IGF1R: variants seen among roughly 807,000 people sequenced by gnomAD.
The protein encoded by IGF1R is insulin-like growth factor 1 receptor.
A neutral mutation model predicts 144.6 loss-of-function variants in IGF1R; 44 were observed. The observed-to-expected ratio is 0.30, with a 90% CI of 0.24 to 0.39. The LOEUF is 0.39. IGF1R is among the 10% of genes least tolerant of loss of function. IGF1R has a pLI of 1.00. For missense variants in IGF1R, 1,355 were observed against 1,833.7 expected, an observed-to-expected ratio of 0.74 and a Z score of 4.77; for synonymous variants, 795 against 722.8, an observed-to-expected ratio of 1.10 and a Z score of -1.60.
chr15:98,725,778 G>T (rs2054343502), intron 2 of IGF1R, among the ~76,000 whole-genome samples: 1 of 152,226 alleles, frequency 6.6e-6, no homozygotes, highest in Non-Finnish European at 1.5e-5. Flanking sequence ...CATGGCTGGG[G>T]AGGCCTCAGA....
In IGF1R at chr15:98,959,970, GGTGTGT is replaced by G. The variant is rs398058004; in HGVS notation, c.*2537_*2542del. The G allele has an allele frequency of 3.0e-5, 7 of 231,998 alleles. No individual in the cohort carries two copies. The highest frequency in any genetic ancestry group is 5.6e-5 in the Admixed American group (1 of 17,710). The allele number at this position is 231,998 out of a possible 1,614,324, so 14.4% of individuals were successfully genotyped here. On this transcript the variant is annotated 3_prime_UTR_variant, in exon 21 of 21. Transcript: ENST00000650285. ...TTATGAATTTAAATTTCAAGGAAAGGGTGTGTGTGTGTGTATGTGTGGGGTGTGTGT... is the reference window on the plus strand; with the variant it reads ...TTATGAATTTAAATTTCAAGGAAAGGGTGTGTGTATGTGTGGGGTGTGTGT...
At chr15:98,659,388 C>T (rs1375684158) in intron 1 of IGF1R, among the ~76,000 whole-genome samples, 1 of 152,230 alleles carries the variant, frequency 6.6e-6, no homozygotes, top group East Asian at 1.9e-4. Context: ...CCCATCTCGC[C>T]TATGCATAGG....
intron 3 of IGF1R, among the ~76,000 whole-genome samples, chr15:98,895,196 C>G (rs1441564043): frequency 2.7e-5 from 4 of 146,626 alleles, no homozygotes; most frequent in African/African-American, 1.0e-4. Context: ...TTACACAAAT[C>G]TACACAAGTG....
At chr15:98,917,569 A>T (rs45606531) in intron 10 of IGF1R, among the ~76,000 whole-genome samples, 21 of 152,378 alleles carry the variant, frequency 1.4e-4, no homozygotes, top group Admixed American at 3.3e-4. Flanking sequence ...TAGTAGCCAA[A>T]TCTGGAAACC....
intron 1 of IGF1R, among the ~76,000 whole-genome samples, chr15:98,678,282 A>AT (rs1239583429): frequency 2.0e-5 from 3 of 152,140 alleles, no homozygotes; most frequent in African/African-American, 7.2e-5. Flanking sequence ...ACATATTCAG[A>AT]TTTTTTAATC....
intron 2 of IGF1R, among the ~76,000 whole-genome samples, chr15:98,814,314 C>T (rs1444930220): frequency 1.3e-5 from 2 of 152,148 alleles, no homozygotes; most frequent in East Asian, 1.9e-4. Context: ...CCCTGTGTAG[C>T]ACTGCTTTCG....
At chr15:98,942,727 G>T (rs931721227) in intron 18 of IGF1R, among the ~76,000 whole-genome samples, 196 bp from the exon 19 acceptor site, 5 of 152,188 alleles carry the variant, frequency 3.3e-5, no homozygotes, top group Admixed American at 2.0e-4. Context: ...CTTGGTATTT[G>T]CTCATCATGT....
chr15:98,737,176 A>G (rs2054631230), intron 2 of IGF1R, among the ~76,000 whole-genome samples: 2 of 152,208 alleles, frequency 1.3e-5, no homozygotes, highest in African/African-American at 2.4e-5. Flanking sequence ...TCTTGTGTTT[A>G]ATTACTTCCT....
chr15:98,903,100 C>T (rs531537780), intron 5 of IGF1R, among the ~76,000 whole-genome samples: 1 of 152,118 alleles, frequency 6.6e-6, no homozygotes, highest in Admixed American at 6.5e-5. Flanking sequence ...AAAATCAAGA[C>T]CGCTCTGCTG....
At chr15:98,903,432 C>T (rs1283994928) in intron 5 of IGF1R, among the ~76,000 whole-genome samples, 1 of 152,224 alleles carries the variant, frequency 6.6e-6, no homozygotes, top group African/African-American at 2.4e-5. Context: ...GTAATACCTT[C>T]TTGGAGCTCA....
chr15:98,767,642 T>G (rs1210394446), intron 2 of IGF1R, among the ~76,000 whole-genome samples: 2 of 152,138 alleles, frequency 1.3e-5, no homozygotes, highest in African/African-American at 4.8e-5. Context: ...TTACCTTGAG[T>G]TTTTTGAAAC....
Position 98,835,080 on chromosome 15 carries a change from TACACACACACACACACACAC to T in IGF1R, c.641-56234_641-56215del, listed in dbSNP as rs34443123. 6.9e-5 allele frequency among the ~76,000 whole-genome samples: 9 copies of T among 130,498 alleles called. 1 individual carries two copies. The East Asian group carries it at 1.3e-3, about 19-fold the overall frequency. The allele number at this position is 130,498 out of a possible 152,430, so 85.6% of individuals were successfully genotyped here. A position where few individuals can be genotyped will look rare whatever the true frequency, so the allele number is the denominator to read the frequency against. ...GGCCAGGGCAAGAGAACACCCCCCC[TACACACACACACACACACAC>T]ACACACACACCCCTACACCCACACA... On this transcript the variant is annotated intron_variant, in intron 2 of 20. Transcript: ENST00000650285.
In IGF1R at chr15:98,959,119, G is replaced by GTTCA. The variant is rs1405489489; in HGVS notation, c.*1678_*1681dup. 1 of 233,144 alleles carries GTTCA rather than the reference G, an allele frequency of 4.3e-6. No individual in the cohort carries two copies. Among genetic ancestry groups the GTTCA allele is most frequent in the Non-Finnish European group, 8.5e-6 (1 of 118,004 alleles). The allele number at this position is 233,144 out of a possible 1,614,324, so 14.4% of individuals were successfully genotyped here. On this transcript the variant is annotated 3_prime_UTR_variant, in exon 21 of 21. Coordinates refer to ENST00000650285, the MANE Select transcript of IGF1R (RefSeq NM_000875.5). The stretch of plus-strand genomic sequence containing the variant: ...AAGGTTAAATATTTCACACGTCTTT[G>GTTCA]TTCAGTGTTTCCACTCACCGTGGTT...
chr15:98,792,386 A>G (rs2056146756), intron 2 of IGF1R, among the ~76,000 whole-genome samples: 1 of 152,228 alleles, frequency 6.6e-6, no homozygotes, highest in African/African-American at 2.4e-5. Context: ...GCACTCTCAA[A>G]TGAGGTTTCA....
intron 2 of IGF1R, among the ~76,000 whole-genome samples, chr15:98,832,576 TC>T (rs1216585736): frequency 6.6e-6 from 1 of 152,220 alleles, no homozygotes; most frequent in Non-Finnish European, 1.5e-5. Context: ...TTCACAAGTT[TC>T]TGTGAATGTG....
chr15:98,813,610 C>CT (rs2056638453), intron 2 of IGF1R, among the ~76,000 whole-genome samples: 1 of 152,204 alleles, frequency 6.6e-6, no homozygotes. Flanking sequence ...GAGTAACAGA[C>CT]TTTTTCAGTG....
chr15:98,864,498 T>C (rs1228835820), intron 2 of IGF1R, among the ~76,000 whole-genome samples: 1 of 152,180 alleles, frequency 6.6e-6, no homozygotes, highest in Non-Finnish European at 1.5e-5. Context: ...AAGTTAATGC[T>C]CCCACCTCAG....
chr15:98,844,815 A>G (rs974903645), intron 2 of IGF1R, among the ~76,000 whole-genome samples: 10 of 152,192 alleles, frequency 6.6e-5, no homozygotes, highest in Non-Finnish European at 1.3e-4. Context: ...CTTCCCTAAG[A>G]TTCATTTAGC....
rs542811239 is a variant in IGF1R at position 98,937,856 on chromosome 15, T to G, written c.3298-1345T>G. On this transcript the variant is annotated intron_variant, in intron 17 of 20. Transcript: ENST00000650285. ...TTGTGAGCATAAACTTTACATTTCA[T>G]GTGCATATTTCCTCATGCATCACAC... Among the ~76,000 whole-genome samples, 4 of 152,248 alleles carry G rather than the reference T, an allele frequency of 2.6e-5. No homozygotes were observed. In the East Asian group the frequency reaches 5.8e-4, roughly 22 times the overall value.
Sources: gnomAD v4.1 joint callset for allele counts (sites outside exome capture counted in the v4.1 genomes callset) on GRCh38, gnomAD v4.1.1 for gene constraint, MANE v1.5 for transcripts, NCBI Gene and HGNC (gene_info 2026-07-23, HGNC 2026-07-21) for gene names.